ABCA1: variants seen among roughly 807,000 people sequenced by gnomAD.
ABCA1 encodes the protein ATP binding cassette subfamily A member 1, also known as phospholipid-transporting ATPase ABCA1.
A neutral mutation model predicts 262.5 loss-of-function variants in ABCA1; 133 were observed. The ratio of observed to expected loss-of-function variants is 0.51; its 90% CI spans 0.44 to 0.59. The LOEUF (loss-of-function observed/expected upper bound fraction) is 0.59, where lower values mean the gene tolerates loss of function less well. ABCA1 is among the 20% of genes least tolerant of loss of function. The probability of loss-of-function intolerance (pLI) is 0.00; values close to 1 mark genes in which losing one functional copy is unlikely to be tolerated. For synonymous variants in ABCA1, 1,022 were observed against 1,043.5 expected (o/e 0.98, Z 0.40); for missense variants, 2,452 against 2,777.5 (o/e 0.88, Z 2.63).
intron 7 of ABCA1, chr9:104,856,076 A>G (rs749674544): frequency 1.3e-6 from 2 of 1,599,488 alleles, no homozygotes; most frequent in Middle Eastern, 1.7e-4. Flanking sequence ...ATGTCATCAC[A>G]TGTCACATCC....
chr9:104,819,542 C>T (rs1389735136), intron 22 of ABCA1, 44 bp downstream of exon 22: 1 of 1,613,362 alleles, frequency 6.2e-7, no homozygotes, highest in African/African-American at 1.3e-5. Flanking sequence ...AAGCCCCCCG[C>T]TCTCTCTCAG....
chr9:104,793,846 G>A (rs979994592), intron 40 of ABCA1, among the ~76,000 whole-genome samples: 6 of 151,874 alleles, frequency 4.0e-5, no homozygotes, highest in African/African-American at 1.5e-4. Flanking sequence ...TAAATAACAT[G>A]GCCCATTTGA....
At position 104,788,000 on chromosome 9, in the gene ABCA1, C is replaced by T. The variant is rs1357430207; in HGVS notation, c.6124G>A (p.Ala2042Thr). 6.2e-7 allele frequency: 1 copy of T among 1,614,234 alleles called. No individual in the cohort carries two copies. The change falls in exon 46 of 50, where the codon GCT (alanine) becomes ACT (threonine). Residue 2042 changes from alanine to threonine, a missense_variant. By Grantham distance (58) the Ala-to-Thr change is moderately conservative. Transcript: ENST00000374736. ...LGLVKYGEKY[A>T]GNYSGGNKRK... is the part of the protein sequence containing the mutation. ...TTGTTGCCTCCACTATAGTTACCAG[C>T]ATATTTTTCTCCATACTTCACGAGG...
chr9:104,846,477 A>G (rs552983232), intron 7 of ABCA1, among the ~76,000 whole-genome samples: 3 of 152,368 alleles, frequency 2.0e-5, no homozygotes, highest in African/African-American at 4.8e-5. Context: ...GACATTTGTC[A>G]TATCAGAGAC....
In ABCA1 at chr9:104,837,442, G is replaced by A; in HGVS notation, c.1180C>T (p.Gln394Ter). 1 of 1,614,036 alleles carries A rather than the reference G, an allele frequency of 6.2e-7. No individual in the cohort carries two copies. Among genetic ancestry groups the A allele is most frequent in the East Asian group, 2.2e-5 (1 of 44,880 alleles). The change falls in exon 10 of 50, where the codon CAG becomes TAG. Residue 394 changes from glutamine to a stop codon, truncating the protein, a stop_gained. Coordinates refer to ENST00000374736, the MANE Select transcript of ABCA1 (RefSeq NM_005502.4). LOFTEE classifies it high-confidence loss of function. The stretch of plus-strand genomic sequence containing the variant: ...GGGCAGCTTACCTCAGCCATGACCT[G>A]CCTTGTGGCTGGAGTGTCAGGTGTA... ...LYTPDTPATR[Q>*]VMAEVNKTFQ... is the part of the protein sequence containing the mutation.
At chr9:104,912,913 C>G (rs1841588497) in intron 1 of ABCA1, among the ~76,000 whole-genome samples, 1 of 152,128 alleles carries the variant, frequency 6.6e-6, no homozygotes, top group African/African-American at 2.4e-5. Context: ...ACACCCTGAG[C>G]TACAGAAACA....
At chr9:104,862,639 C>CGGGCAGCGCCGGGCAGGGCCGGGCA (rs1564197760) in intron 5 of ABCA1, among the ~76,000 whole-genome samples, 2 of 5,384 alleles carry the variant, frequency 3.7e-4, no homozygotes, top group Non-Finnish European at 9.2e-4. Flanking sequence ...ACTGCCGGGC[C>CGGGCAGCGCCGGGCAGGGCCGGGCA]GGGCCGGGCC....
intron 23 of ABCA1, among the ~76,000 whole-genome samples, chr9:104,818,167 G>GT (rs1476292679): frequency 9.8e-6 from 1 of 102,252 alleles, no homozygotes; most frequent in African/African-American, 2.7e-5. Flanking sequence ...GATGATAGAG[G>GT]TTAAAAAAAA....
intron 7 of ABCA1, among the ~76,000 whole-genome samples, chr9:104,845,919 G>A (rs1345304411): frequency 6.6e-6 from 1 of 152,188 alleles, no homozygotes; most frequent in African/African-American, 2.4e-5. Flanking sequence ...TGGGTAATAC[G>A]GGAATGGCTT....
At chr9:104,874,134 T>C (rs887788637) in intron 5 of ABCA1, among the ~76,000 whole-genome samples, 1 of 152,220 alleles carries the variant, frequency 6.6e-6, no homozygotes, top group Admixed American at 6.5e-5. Context: ...GAGTCCTTAG[T>C]ACTATCAGTA....
chr9:104,837,903 C>A (rs1320486709), intron 9 of ABCA1, among the ~76,000 whole-genome samples: 1 of 152,202 alleles, frequency 6.6e-6, no homozygotes, highest in Non-Finnish European at 1.5e-5. Flanking sequence ...CACAAGCCCT[C>A]CCATCCAGAT....
chr9:104,900,024 C>G (rs73664374), intron 2 of ABCA1, among the ~76,000 whole-genome samples: 12,749 of 152,176 alleles, frequency 0.084, 580 homozygotes, highest in South Asian at 0.14. Context: ...ACAGAAACAG[C>G]GGAAAACTAA....
intron 48 of ABCA1, among the ~76,000 whole-genome samples, chr9:104,786,013 T>G (rs775376797): frequency 6.6e-6 from 1 of 152,046 alleles, no homozygotes; most frequent in South Asian, 2.1e-4. Context: ...TACTGGCACA[T>G]GTAAATTTTT....
chr9:104,926,672 C>A (rs1343963179), intron 1 of ABCA1, among the ~76,000 whole-genome samples: 1 of 152,172 alleles, frequency 6.6e-6, no homozygotes, highest in Non-Finnish European at 1.5e-5. Context: ...GCACCCCCAC[C>A]CTCACGGCAG....
intron 46 of ABCA1, 165 bp downstream of exon 46, chr9:104,787,755 G>A (rs1829052425): frequency 1.1e-6 from 1 of 876,674 alleles, no homozygotes; most frequent in East Asian, 1.2e-4. Context: ...AGCCACCCCA[G>A]TGTGTGCCAA....
rs528884234 is a variant in ABCA1, at chr9:104,800,575, C to T, written c.4708G>A (p.Ala1570Thr). The T allele has an allele frequency of 1.2e-6, 2 of 1,614,158 alleles. No homozygotes were observed. Among genetic ancestry groups the T allele is most frequent in the South Asian group, 2.2e-5 (2 of 91,086 alleles). Residue 1570 changes from alanine (A) to threonine (T), a missense_variant, in exon 35 of 50, where the codon GCA becomes ACA. By Grantham distance (58) the Ala-to-Thr change is moderately conservative. This residue lies in a region of ABCA1 where 752 missense variants were observed against 944.5 expected (regional missense o/e 0.80). Transcript: ENST00000374736. ...CCCAAGCTGTTGAGAAATCGATCTG[C>T]AGAACTGTCCTGTAAACAACAGAAA... ...KHLKLAKDSS[A>T]DRFLNSLGRF... is the part of the protein sequence containing the mutation.
intron 42 of ABCA1, among the ~76,000 whole-genome samples, 195 bp downstream of exon 42, chr9:104,792,591 C>G (rs1829521320): frequency 6.6e-6 from 1 of 152,162 alleles, no homozygotes; most frequent in South Asian, 2.1e-4. Flanking sequence ...GAATTCATAT[C>G]ACAAAAGAAT....
intron 1 of ABCA1, among the ~76,000 whole-genome samples, chr9:104,919,654 G>A (rs1209440238): frequency 6.6e-6 from 1 of 151,970 alleles, no homozygotes; most frequent in Non-Finnish European, 1.5e-5. Context: ...TGTCCGAGAT[G>A]GAGAGTCCAA....
intron 10 of ABCA1, 23 bp from the exon 11 acceptor site, chr9:104,837,119 G>A (rs752443374): frequency 6.3e-7 from 1 of 1,580,424 alleles, no homozygotes; most frequent in African/African-American, 1.4e-5. Flanking sequence ...GGGGAGCCAG[G>A]GACCGCAGAA....
Sources: allele counts gnomAD v4.1 joint callset (sites outside exome capture counted in the v4.1 genomes callset), GRCh38; gene constraint gnomAD v4.1.1; regional missense constraint gnomAD v4.1.1; transcripts MANE v1.5; gene names NCBI Gene and HGNC (gene_info 2026-07-23, HGNC 2026-07-21).